SGCZ: variants seen among roughly 807,000 people sequenced by gnomAD.
SGCZ encodes the protein sarcoglycan zeta.
In SGCZ, 40 loss-of-function variants were observed where a neutral mutation model predicts 41.3. That is an observed-to-expected ratio of 0.97 (90% confidence interval 0.75 to 1.26). SGCZ has a LOEUF of 1.26. Among genes scored for constraint, SGCZ ranks in the 50% most tolerant of loss-of-function variants. SGCZ has a pLI of 0.00. For missense variants in SGCZ, 552 were observed against 369.8 expected (o/e 1.49, Z -4.04); for synonymous variants, 206 against 137.5 (o/e 1.50, Z -3.49).
chr8:14,378,417 C>A (rs1009070850), intron 2 of SGCZ, among the ~76,000 whole-genome samples: 2 of 152,100 alleles, frequency 1.3e-5, no homozygotes, highest in Non-Finnish European at 2.9e-5. Context: ...ACAAAAGCCA[C>A]AATTGACAAA....
intron 1 of SGCZ, among the ~76,000 whole-genome samples, chr8:15,128,880 A>T (rs960100642): frequency 6.6e-6 from 1 of 152,120 alleles, no homozygotes; most frequent in Non-Finnish European, 1.5e-5. Context: ...GAATAAGCTG[A>T]TTTCAGAATA....
chr8:14,719,384 G>T (rs1476297653), intron 1 of SGCZ, among the ~76,000 whole-genome samples: 4 of 150,280 alleles, frequency 2.7e-5, no homozygotes, highest in Admixed American at 1.3e-4. Flanking sequence ...TGGGATGGCT[G>T]GGTCAAATGG....
chr8:14,701,932 C>T (rs558706648), intron 1 of SGCZ, among the ~76,000 whole-genome samples: 1 of 151,872 alleles, frequency 6.6e-6, no homozygotes, highest in Non-Finnish European at 1.5e-5. Context: ...ACTAATAAAC[C>T]TCCCTTCATC....
At chr8:14,833,396 G>C (rs1489961210) in intron 1 of SGCZ, among the ~76,000 whole-genome samples, 2 of 152,126 alleles carry the variant, frequency 1.3e-5, no homozygotes, top group Admixed American at 6.6e-5. Context: ...ATACAGATCT[G>C]TGAGTACACC....
At chr8:14,258,161 A>T (rs1349769621) in intron 3 of SGCZ, among the ~76,000 whole-genome samples, 1 of 152,216 alleles carries the variant, frequency 6.6e-6, no homozygotes, top group Non-Finnish European at 1.5e-5. Flanking sequence ...CTAAAAGAGA[A>T]TATAGATACT....
At chr8:14,649,812 C>T (rs1272273269) in intron 1 of SGCZ, among the ~76,000 whole-genome samples, 2 of 152,008 alleles carry the variant, frequency 1.3e-5, no homozygotes, top group Admixed American at 1.3e-4. Context: ...AATTGTACTT[C>T]CACCCAAGGC....
chr8:14,757,096 T>C (rs922734942), intron 1 of SGCZ, among the ~76,000 whole-genome samples: 2 of 152,320 alleles, frequency 1.3e-5, no homozygotes, highest in African/African-American at 2.4e-5. Flanking sequence ...TCACCTAGGC[T>C]GGAGTGCAAT....
At position 14,435,960 on chromosome 8, in the gene SGCZ, G is replaced by T. The variant is rs574188528; in HGVS notation, c.235-111756C>A. On this transcript the variant is annotated intron_variant, in intron 2 of 7. Transcript: ENST00000382080. ...AATAATGAAAGGAAAATTGCCAAAA[G>T]TGTTTCAATGCTCCTAGGACCAGCT... is the stretch of plus-strand genomic sequence containing the variant. Among the ~76,000 whole-genome samples, 4 of 152,324 alleles carry T rather than the reference G, an allele frequency of 2.6e-5. No individual in the cohort carries two copies. The East Asian group carries it at 7.7e-4, about 29-fold the overall frequency.
chr8:14,158,136 G>C (rs369422052), intron 5 of SGCZ, among the ~76,000 whole-genome samples: 4 of 151,732 alleles, frequency 2.6e-5, no homozygotes, highest in East Asian at 3.9e-4. Flanking sequence ...TATGTGGTAA[G>C]TGCTTCTTAT....
chr8:15,176,817 G>C (rs576822636), intron 1 of SGCZ, among the ~76,000 whole-genome samples: 6 of 152,146 alleles, frequency 3.9e-5, no homozygotes, highest in Non-Finnish European at 5.9e-5. Context: ...CTGGCTAACA[G>C]GGTGAAACCC....
intron 2 of SGCZ, among the ~76,000 whole-genome samples, chr8:14,387,286 A>G (rs1804609312): frequency 6.6e-6 from 1 of 152,176 alleles, no homozygotes; most frequent in South Asian, 2.1e-4. Flanking sequence ...TCTTGGCCTC[A>G]AGAAATCCTC....
intron 2 of SGCZ, among the ~76,000 whole-genome samples, chr8:14,468,401 T>C (rs1801112042): frequency 6.6e-6 from 1 of 152,114 alleles, no homozygotes; most frequent in Non-Finnish European, 1.5e-5. Flanking sequence ...TATCTTGCTC[T>C]AATAATAAGA....
Position 14,525,935 on chromosome 8 carries a change from T to A in SGCZ, c.234+28797A>T, listed in dbSNP as rs543839107. Among the ~76,000 whole-genome samples the A allele has an allele frequency of 3.9e-5, 6 of 151,918 alleles. No individual in the cohort carries two copies. The South Asian group carries it at 1.2e-3, about 32-fold the overall frequency. ...TTTCTCAGTATAAGTATAGTGAACA[T>A]ACAAGTGCCAAAGTTAGAGATAGTC... On this transcript the variant is annotated intron_variant, in intron 2 of 7. Transcript: ENST00000382080.
intron 1 of SGCZ, among the ~76,000 whole-genome samples, chr8:14,619,783 A>T (rs12679071): frequency 1.5e-4 from 23 of 151,982 alleles, no homozygotes; most frequent in Non-Finnish European, 2.4e-4. Context: ...GCTCAACGAA[A>T]TAAAAGAGGA....
chr8:14,641,059 T>C lies in SGCZ; in HGVS notation c.40-86133A>G, dbSNP rs183597339. On this transcript the variant is annotated intron_variant, in intron 1 of 7. Transcript: ENST00000382080. Reference sequence around the variant, plus strand: ...ATTATAAACAGGAAGGTATACTCTGTTCCCATCTTGTCCAGTGGTAATAAT... The same window carrying C: ...ATTATAAACAGGAAGGTATACTCTGCTCCCATCTTGTCCAGTGGTAATAAT... 2.6e-5 allele frequency among the ~76,000 whole-genome samples: 4 copies of C among 151,740 alleles called. No homozygotes were observed. The East Asian group carries it at 5.9e-4, about 22-fold the overall frequency.
At chr8:15,184,828 C>T (rs1470925081) in intron 1 of SGCZ, among the ~76,000 whole-genome samples, 1 of 152,130 alleles carries the variant, frequency 6.6e-6, no homozygotes, top group Admixed American at 6.5e-5. Flanking sequence ...CCAACTGTTG[C>T]TAATCTCTGT....
chr8:14,576,811 A>G (rs1305549342), intron 1 of SGCZ, among the ~76,000 whole-genome samples: 1 of 152,190 alleles, frequency 6.6e-6, no homozygotes, highest in African/African-American at 2.4e-5. Flanking sequence ...TAGCTGCTCA[A>G]CAGGTAATTC....
chr8:15,223,856 T>TTTTATTTATTTATTTA lies in SGCZ; in HGVS notation c.39+13713_39+13728dup, dbSNP rs35421677. Among the ~76,000 whole-genome samples, 1,208 of 149,776 alleles carry TTTTATTTATTTATTTA rather than the reference T, an allele frequency of 8.1e-3. 14 individuals are homozygous for TTTTATTTATTTATTTA. Among genetic ancestry groups the TTTTATTTATTTATTTA allele is most frequent in the African/African-American group, 0.028 (1,144 of 40,656 alleles). ...GCCAGCGAAAAGCTCCTTTTTAAATTTTTATTTATTTATTTATTTATTTAT... is the reference window on the plus strand; with the variant it reads ...GCCAGCGAAAAGCTCCTTTTTAAATTTTTATTTATTTATTTATTTATTTATTTATTTATTTATTTAT... On this transcript the variant is annotated intron_variant, in intron 1 of 7. Transcript: ENST00000382080.
At chr8:14,531,911 C>G (rs1429709317) in intron 2 of SGCZ, among the ~76,000 whole-genome samples, 1 of 151,852 alleles carries the variant, frequency 6.6e-6, no homozygotes, top group Non-Finnish European at 1.5e-5. Context: ...TTTACTAGGA[C>G]CCATGAAACA....
Sources: gnomAD v4.1 joint callset for allele counts (sites outside exome capture counted in the v4.1 genomes callset) on GRCh38, gnomAD v4.1.1 for gene constraint, MANE v1.5 for transcripts, NCBI Gene and HGNC (gene_info 2026-07-23, HGNC 2026-07-21) for gene names.